The following PGAP2 variants were observed in gnomAD, a reference collection of about 807,000 sequenced individuals.
PGAP2 encodes acyltransferase PGAP2.
Under a neutral mutation model 33.2 loss-of-function variants are expected in PGAP2, and 21 were observed. That is an observed-to-expected ratio of 0.63 (90% CI 0.45 to 0.91). PGAP2 has a LOEUF of 0.91. Among genes scored for constraint, PGAP2 ranks in the 40% least tolerant of loss-of-function variants. PGAP2 has a pLI of 0.00. For missense variants in PGAP2, 345 were observed against 424.0 expected, an observed-to-expected ratio of 0.81 and a Z score of 1.64; for synonymous variants, 161 against 172.9, an observed-to-expected ratio of 0.93 and a Z score of 0.54.
intron 1 of PGAP2, among the ~76,000 whole-genome samples, chr11:3,800,986 T>C (rs1263088680): frequency 6.7e-6 from 1 of 150,366 alleles, no homozygotes; most frequent in South Asian, 2.1e-4. Context: ...TACAAAAAAT[T>C]AGCCGGGTGT....
chr11:3,803,902 T>A (rs1242398587), upstream of PGAP2, among the ~76,000 whole-genome samples: 2 of 152,102 alleles, frequency 1.3e-5, no homozygotes, highest in Non-Finnish European at 2.9e-5. Flanking sequence ...GTGATTCTCG[T>A]GCCTCAGCCT....
rs201082145 is a variant in PGAP2 at position 3,811,216 on chromosome 11, C to T, written c.-10-34C>T. On this transcript the variant is annotated intron_variant, in intron 1 of 6. Coordinates refer to ENST00000278243, the MANE Select transcript of PGAP2 (RefSeq NM_014489.4). The surrounding 1 kb of genome is among the most constrained non-coding windows in gnomAD (Gnocchi z 4.6). ...TATCACTGAGTGCCAGCCTGGCTGC[C>T]TGGGGCCCTGACAGCATGCCACTCC... 1.8e-4 allele frequency: 288 copies of T among 1,588,372 alleles called. No individual in the cohort carries two copies. In the African/African-American group the frequency reaches 2.5e-3, roughly 14 times the overall value.
At chr11:3,820,155 G>C (rs1445608216) in intron 3 of PGAP2, among the ~76,000 whole-genome samples, 2 of 152,148 alleles carry the variant, frequency 1.3e-5, no homozygotes, top group Non-Finnish European at 2.9e-5. Flanking sequence ...CCAGGAAGCA[G>C]AGGCAATGCT....
rs747014997 is a variant in PGAP2, at chr11:3,808,579, C to G, written c.-83C>G. ...CCCGCCGTTCGCGCTCTGACCAGCCCGCAGAGCCAGCCCCCGACCCCGGGC... is the reference window on the plus strand; with the variant it reads ...CCCGCCGTTCGCGCTCTGACCAGCCGGCAGAGCCAGCCCCCGACCCCGGGC... On this transcript the variant is annotated 5_prime_UTR_variant, in exon 1 of 7. Transcript: ENST00000278243. 18 of 1,364,558 alleles carry G rather than the reference C, an allele frequency of 1.3e-5. No individual in the cohort carries two copies. The highest frequency in any genetic ancestry group is 4.5e-5 in the African/African-American group (3 of 66,316). The allele number at this position is 1,364,558 out of a possible 1,614,324, so 84.5% of individuals were successfully genotyped here.
At chr11:3,817,782 C>G (rs1177327298) in intron 3 of PGAP2, 2 of 644,610 alleles carry the variant, frequency 3.1e-6, no homozygotes, top group South Asian at 1.5e-5. Context: ...CGCAGTGGCT[C>G]ATACCTGTAA....
chr11:3,824,860 CAT>C (rs1297546934), intron 5 of PGAP2, 158 bp from the exon 6 acceptor site: 16 of 1,452,062 alleles, frequency 1.1e-5, no homozygotes, highest in African/African-American at 1.4e-5. Flanking sequence ...GACGTGAACA[CAT>C]AGTCGTCATT....
intron 1 of PGAP2, among the ~76,000 whole-genome samples, chr11:3,799,939 G>T (rs1419740487): frequency 6.6e-6 from 1 of 152,094 alleles, no homozygotes; most frequent in Non-Finnish European, 1.5e-5. Context: ...TGCCACTCCC[G>T]CCTGGGCAAC....
chr11:3,806,691 G>C (rs1218537732), upstream of PGAP2, among the ~76,000 whole-genome samples: 2 of 152,174 alleles, frequency 1.3e-5, no homozygotes, highest in Non-Finnish European at 2.9e-5. Context: ...GTGTAAGTAG[G>C]TAACTTGGTT....
At chr11:3,809,210 T>G (rs2085052869) in intron 1 of PGAP2, among the ~76,000 whole-genome samples, 1 of 152,084 alleles carries the variant, frequency 6.6e-6, no homozygotes, top group South Asian at 2.1e-4. Context: ...GGAGCTGAGG[T>G]AGCTCCAAAG....
chr11:3,813,885 T>C (rs7128080), intron 2 of PGAP2, among the ~76,000 whole-genome samples: 162 of 152,328 alleles, frequency 1.1e-3, no homozygotes, highest in African/African-American at 3.7e-3. Flanking sequence ...AGCTAGGTTA[T>C]TGCATACCTT....
At chr11:3,824,212 C>G in intron 4 of PGAP2, 58 bp from the exon 5 acceptor site, 1 of 1,612,386 alleles carries the variant, frequency 6.2e-7, no homozygotes, top group Non-Finnish European at 8.5e-7. Context: ...TTCGGACCTT[C>G]CTACTTCGTG....
rs1375765060 is a variant in PGAP2 at position 3,798,061 on chromosome 11, CG to C, written c.139+80del. ...TCCTAGTCTCTCTGCCCGCACTTCCCGCCCAGACCACGTGCGGAGCCTGAGG... is the reference window on the plus strand; with the variant it reads ...TCCTAGTCTCTCTGCCCGCACTTCCCCCCAGACCACGTGCGGAGCCTGAGG... On this transcript the variant is annotated intron_variant, in intron 1 of 6. Transcript: ENST00000300730. 2.6e-6 allele frequency: 4 copies of C among 1,511,820 alleles called. No individual in the cohort carries two copies. In the African/African-American group the frequency reaches 5.7e-5, roughly 21 times the overall value. 93.7% of individuals were successfully genotyped at this position (1,511,820 alleles called of 1,614,324 possible).
intron 3 of PGAP2, among the ~76,000 whole-genome samples, chr11:3,819,892 C>G (rs1414717335): frequency 6.6e-6 from 1 of 152,068 alleles, no homozygotes; most frequent in Non-Finnish European, 1.5e-5. Flanking sequence ...AGTCCCTGCT[C>G]TTAGAATCCC....
intron 1 of PGAP2, among the ~76,000 whole-genome samples, chr11:3,802,422 C>T (rs2083589152): frequency 6.6e-6 from 1 of 152,206 alleles, no homozygotes; most frequent in Non-Finnish European, 1.5e-5. Context: ...GTATCATCAT[C>T]TTCCTTCTTC....
intron 1 of PGAP2, among the ~76,000 whole-genome samples, chr11:3,798,823 A>G (rs909243551): frequency 2.8e-5 from 4 of 145,168 alleles, no homozygotes; most frequent in African/African-American, 1.0e-4. Context: ...TTGTATTTTT[A>G]GTAGAGATGG....
intron 2 of PGAP2, 45 bp from the exon 3 acceptor site, chr11:3,817,308 C>G: frequency 1.3e-6 from 2 of 1,519,868 alleles, no homozygotes; most frequent in Non-Finnish European, 1.8e-6. Flanking sequence ...TTCCCAGACC[C>G]AGGTGTCCTA....
Position 3,811,585 on chromosome 11 carries a change from T to C in PGAP2, c.165+161T>C, listed in dbSNP as rs2085585380. Among the ~76,000 whole-genome samples, 1 of 152,120 alleles carries C rather than the reference T, an allele frequency of 6.6e-6. No homozygotes were observed. The highest frequency in any genetic ancestry group is 1.5e-5 in the Non-Finnish European group (1 of 68,026). On this transcript the variant is annotated intron_variant, in intron 2 of 6. Coordinates refer to ENST00000278243, the MANE Select transcript of PGAP2 (RefSeq NM_014489.4). This position sits in a 1 kb window ranked among gnomAD's most constrained non-coding sequence, Gnocchi z 4.6. ...CAAATTGAAATCTCAAGGGTTAGTC[T>C]CCCTCTGCCTTCTGTGAGGTTCTGG...
intron 3 of PGAP2, chr11:3,818,048 A>C: frequency 4.4e-6 from 1 of 224,964 alleles, no homozygotes; most frequent in Non-Finnish European, 9.1e-6. Flanking sequence ...CCCTGTCTCA[A>C]AAACAAAACA....
At chr11:3,812,789 A>G (rs545004075) in intron 2 of PGAP2, among the ~76,000 whole-genome samples, 1 of 152,148 alleles carries the variant, frequency 6.6e-6, no homozygotes, top group Admixed American at 6.5e-5. Flanking sequence ...TCTTTACTTC[A>G]TGTGACTGGA....
Sources: allele counts gnomAD v4.1 joint callset (sites outside exome capture counted in the v4.1 genomes callset), GRCh38; gene constraint gnomAD v4.1.1; non-coding constraint Gnocchi (gnomAD v3.1); transcripts MANE v1.5; gene names NCBI Gene and HGNC (gene_info 2026-07-23, HGNC 2026-07-21).